GMDS: variants seen among roughly 807,000 people sequenced by gnomAD.
GMDS encodes GDP-mannose 4,6-dehydratase.
A neutral mutation model predicts 49.9 loss-of-function variants in GMDS; 20 were observed. The ratio of observed to expected loss-of-function variants is 0.40; its 90% confidence interval spans 0.28 to 0.58. The LOEUF (loss-of-function observed/expected upper bound fraction) is 0.58. GMDS is among the 20% of genes least tolerant of loss of function. GMDS has a pLI of 0.42. For synonymous variants in GMDS, 177 were observed against 178.6 expected (o/e 0.99, Z 0.07); for missense variants, 362 against 481.4 (o/e 0.75, Z 2.32).
At chr6:1,923,417 G>C (rs1345309699) in intron 7 of GMDS, among the ~76,000 whole-genome samples, 2 of 152,220 alleles carry the variant, frequency 1.3e-5, no homozygotes, top group Non-Finnish European at 2.9e-5. Context: ...AGCTAAGAGA[G>C]CACTGTAACA....
intron 1 of GMDS, among the ~76,000 whole-genome samples, chr6:2,139,652 A>C (rs1292460510): frequency 6.6e-6 from 1 of 152,226 alleles, no homozygotes; most frequent in Non-Finnish European, 1.5e-5. Flanking sequence ...AAAAGTAATT[A>C]AGTGACTTAC....
intron 7 of GMDS, among the ~76,000 whole-genome samples, chr6:1,802,504 A>C (rs1336692337): frequency 6.6e-6 from 1 of 152,246 alleles, no homozygotes; most frequent in Non-Finnish European, 1.5e-5. Context: ...TCCTCAGCCC[A>C]ACATAATTTC....
At chr6:1,908,349 T>C (rs1275018468) in intron 7 of GMDS, among the ~76,000 whole-genome samples, 1 of 152,200 alleles carries the variant, frequency 6.6e-6, no homozygotes, top group Non-Finnish European at 1.5e-5. Context: ...AAACTGCGGA[T>C]AGGAGGGGGC....
At chr6:2,232,171 T>C (rs1230497686) in intron 1 of GMDS, among the ~76,000 whole-genome samples, 1 of 150,932 alleles carries the variant, frequency 6.6e-6, no homozygotes, top group African/African-American at 2.4e-5. Flanking sequence ...TTTTTTTAAA[T>C]ACTGTGATAG....
intron 9 of GMDS, among the ~76,000 whole-genome samples, chr6:1,676,141 GACAA>G (rs778922178): frequency 1.0e-3 from 156 of 152,278 alleles, no homozygotes; most frequent in Middle Eastern, 3.4e-3. Flanking sequence ...ACCAATAACA[GACAA>G]ACAGAGAGCC....
chr6:1,774,915 T>C (rs1005536913), intron 7 of GMDS, among the ~76,000 whole-genome samples: 1 of 152,128 alleles, frequency 6.6e-6, no homozygotes, highest in Non-Finnish European at 1.5e-5. Context: ...CCAGGCTGAC[T>C]AGCGAGGAAT....
At chr6:2,040,343 C>A (rs1769597436) in intron 4 of GMDS, among the ~76,000 whole-genome samples, 1 of 152,160 alleles carries the variant, frequency 6.6e-6, no homozygotes, top group South Asian at 2.1e-4. Flanking sequence ...TTGGCTTAAA[C>A]CCTGTGTAAT....
At chr6:2,203,787 T>C (rs1428782585) in intron 1 of GMDS, among the ~76,000 whole-genome samples, 1 of 152,212 alleles carries the variant, frequency 6.6e-6, no homozygotes, top group Non-Finnish European at 1.5e-5. Flanking sequence ...AAAACCTTGC[T>C]GTAGGCTGGG....
chr6:1,683,314 C>G (rs549130589), intron 9 of GMDS, among the ~76,000 whole-genome samples: 28 of 152,184 alleles, frequency 1.8e-4, no homozygotes, highest in East Asian at 7.7e-4. Flanking sequence ...TAGTAGAGAC[C>G]GGGTTTCACC....
chr6:1,916,882 G>GT (rs59933624), intron 7 of GMDS, among the ~76,000 whole-genome samples: 2,519 of 145,208 alleles, frequency 0.017, 31 homozygotes, highest in African/African-American at 0.034. Flanking sequence ...GCTTCTTCAG[G>GT]TTTTTTTTTT....
chr6:2,233,333 T>C (rs1376213509), intron 1 of GMDS, among the ~76,000 whole-genome samples: 4 of 152,172 alleles, frequency 2.6e-5, no homozygotes, highest in East Asian at 1.9e-4. Flanking sequence ...CTATGATCAG[T>C]AGCAATTCCA....
intron 9 of GMDS, among the ~76,000 whole-genome samples, chr6:1,632,425 G>A (rs1174531717): frequency 6.6e-6 from 1 of 152,212 alleles, no homozygotes; most frequent in Non-Finnish European, 1.5e-5. Flanking sequence ...GACAGGGGAG[G>A]AGTACTGACT....
In GMDS at chr6:2,245,496, G is replaced by T; in HGVS notation, c.-74C>A. 1 of 812,436 alleles carries T rather than the reference G, an allele frequency of 1.2e-6. No homozygotes were observed. The highest frequency in any genetic ancestry group is 4.3e-5 in the Admixed American group (1 of 23,074). 50.3% of individuals were successfully genotyped at this position (812,436 alleles called of 1,614,324 possible). A position where few individuals can be genotyped will look rare whatever the true frequency, so the allele number is the denominator to read the frequency against. On this transcript the variant is annotated 5_prime_UTR_variant, in exon 1 of 11. Transcript: ENST00000380815. ...GCAGGCGCGGTGCCGGCAGGAACGCGGGGGTGTGCAGCACGAAGCGCCTCT... is the reference window on the plus strand; with the variant it reads ...GCAGGCGCGGTGCCGGCAGGAACGCTGGGGTGTGCAGCACGAAGCGCCTCT...
At chr6:1,745,131 A>T (rs1192543998) in intron 7 of GMDS, among the ~76,000 whole-genome samples, 2 of 152,230 alleles carry the variant, frequency 1.3e-5, no homozygotes, top group Non-Finnish European at 2.9e-5. Context: ...AATACACTTT[A>T]ATGTGTTTGA....
At chr6:1,878,674 C>A (rs576582288) in intron 7 of GMDS, among the ~76,000 whole-genome samples, 1 of 151,994 alleles carries the variant, frequency 6.6e-6, no homozygotes, top group African/African-American at 2.4e-5. Context: ...TTATTTAATA[C>A]CTAAAAATAT....
At chr6:1,839,141 T>A (rs1039445547) in intron 7 of GMDS, among the ~76,000 whole-genome samples, 1 of 152,110 alleles carries the variant, frequency 6.6e-6, no homozygotes, top group Non-Finnish European at 1.5e-5. Flanking sequence ...CAGAGAAAAT[T>A]TTCAGCTCAG....
rs1171879518 is a variant in GMDS at position 1,726,028 on chromosome 6, CAT to C, written c.987+386_987+387del. ...TTGTGTATGAGTACACAGACACAGA[CAT>C]AGACATAGCTGGAGAGGACCTAGAT... On this transcript the variant is annotated intron_variant, in intron 9 of 10. Coordinates refer to ENST00000380815, the MANE Select transcript of GMDS (RefSeq NM_001500.4). Among the ~76,000 whole-genome samples the C allele has an allele frequency of 2.4e-4, 36 of 152,170 alleles. 1 individual carries two copies. The highest frequency in any genetic ancestry group is 1.2e-3 in the Admixed American group (18 of 15,286).
intron 1 of GMDS, among the ~76,000 whole-genome samples, chr6:2,229,315 T>C (rs939813172): frequency 2.7e-5 from 4 of 149,202 alleles, no homozygotes; most frequent in Admixed American, 2.0e-4. Context: ...TTCATGCCTG[T>C]AATCCCAGCA....
intron 7 of GMDS, among the ~76,000 whole-genome samples, chr6:1,783,487 A>C (rs531614479): frequency 6.8e-4 from 104 of 152,286 alleles, no homozygotes; most frequent in African/African-American, 2.5e-3. Context: ...TCAGACAAAC[A>C]CTGAAGTCAG....
Sources: allele counts gnomAD v4.1 joint callset (sites outside exome capture counted in the v4.1 genomes callset), GRCh38; gene constraint gnomAD v4.1.1; transcripts MANE v1.5; gene names NCBI Gene and HGNC (gene_info 2026-07-23, HGNC 2026-07-21).